PRSS33: variants seen among roughly 807,000 people sequenced by gnomAD.
PRSS33 encodes serine protease 33.
Under a neutral mutation model 26.7 loss-of-function variants are expected in PRSS33, and 32 were observed. The ratio of observed to expected loss-of-function variants is 1.20; its 90% confidence interval spans 0.90 to 1.61. PRSS33 has a LOEUF of 1.61. PRSS33 is among the 40% of genes most tolerant of loss of function. The pLI is 0.00. For synonymous variants in PRSS33, 192 were observed against 177.6 expected, an observed-to-expected ratio of 1.08 and a Z score of -0.64; for missense variants, 450 against 396.3, an observed-to-expected ratio of 1.14 and a Z score of -1.15.
chr16:2,785,606 G>A lies in PRSS33; in HGVS notation c.283C>T (p.Leu95=). The part of the protein sequence containing the change: ...PAEYRVRLGA[L]RLGSTSPRTL... The stretch of plus-strand genomic sequence containing the variant: ...CGGGGCGAGGTGGAGCCCAGACGCA[G>A]CGCCCCCAGGCGCACGCGGTACTCA... The change falls in exon 5 of 7, where the codon CTG becomes TTG. Residue 95 remains leucine, a synonymous_variant. Transcript: ENST00000682474. 4.6e-6 allele frequency: 7 copies of A among 1,508,942 alleles called. No individual in the cohort carries two copies. The highest frequency in any genetic ancestry group is 6.2e-6 in the Non-Finnish European group (7 of 1,136,586). 93.5% of individuals were successfully genotyped at this position (1,508,942 alleles called of 1,614,324 possible).
chr16:2,786,024 G>A, intron 3 of PRSS33, 63 bp from the exon 4 acceptor site: 1 of 1,611,500 alleles, frequency 6.2e-7, no homozygotes, highest in Non-Finnish European at 8.5e-7. Context: ...GGCAGGTGTT[G>A]GTGGGGAGAC....
In PRSS33 at chr16:2,786,514, G is replaced by T; in HGVS notation, c.34C>A (p.Leu12Ile). 6.2e-7 allele frequency: 1 copy of T among 1,613,380 alleles called. No individual in the cohort carries two copies. Among genetic ancestry groups the T allele is most frequent in the Non-Finnish European group, 8.5e-7 (1 of 1,179,702 alleles). Residue 12 changes from leucine to isoleucine, a missense_variant, in exon 2 of 7, where the codon CTT becomes ATT. Leu to Ile is a conservative substitution (Grantham distance 5). Coordinates refer to ENST00000682474, the MANE Select transcript of PRSS33 (RefSeq NM_152891.3). The part of the protein sequence containing the change: ...RGVSCLQVLL[L>I]LVLGAAGTQG... ...TGTCCCCACTCACCCAGCACCAGAA[G>T]GAGCAGGACCTGGAGACAGGAAACC...
chr16:2,784,443 A>T lies in PRSS33; in HGVS notation c.*201T>A. On this transcript the variant is annotated 3_prime_UTR_variant, in exon 7 of 7. Coordinates refer to ENST00000682474, the MANE Select transcript of PRSS33 (RefSeq NM_152891.3). ...GGGACTCATGGCAGATTCCTGGATGAGGGTTGGTGGAGTCAGAGCTGGTGA... is the reference window on the plus strand; with the variant it reads ...GGGACTCATGGCAGATTCCTGGATGTGGGTTGGTGGAGTCAGAGCTGGTGA... The T allele has an allele frequency of 2.1e-6, 1 of 483,812 alleles. No individual in the cohort carries two copies. Among genetic ancestry groups the T allele is most frequent in the Middle Eastern group, 5.6e-4 (1 of 1,800 alleles). 30.0% of individuals were successfully genotyped at this position (483,812 alleles called of 1,614,324 possible).
At position 2,785,852 on chromosome 16, in the gene PRSS33, C is replaced by A. The variant is rs762235212; in HGVS notation, c.189G>T (p.Gly63=). 4 of 1,608,330 alleles carry A rather than the reference C, an allele frequency of 2.5e-6. No homozygotes were observed. Among genetic ancestry groups the A allele is most frequent in the Non-Finnish European group, 3.4e-6 (4 of 1,178,824 alleles). ...SIQHRGAHVC[G]GSLIAPQWVL... is the part of the protein sequence containing the mutation. Reference sequence around the variant, plus strand: ...CCCACTGGGGGGCGATGAGCGACCCCCCGCACACGTGTGCCCCACGATGCT... The same window carrying A: ...CCCACTGGGGGGCGATGAGCGACCCACCGCACACGTGTGCCCCACGATGCT... The change falls in exon 4 of 7, where the codon GGG becomes GGT. Residue 63 remains glycine (G), a synonymous_variant. Transcript: ENST00000682474.
At chr16:2,786,714 G>A (rs1198735816) in intron 1 of PRSS33, 110 bp from the exon 2 acceptor site, 1 of 716,614 alleles carries the variant, frequency 1.4e-6, no homozygotes, top group Non-Finnish European at 2.3e-6. Context: ...CTCCTGGTGG[G>A]TTCTGGACTT....
chr16:2,786,043 G>A lies in PRSS33; in HGVS notation c.79+46C>T, dbSNP rs774792691. Reference sequence around the variant, plus strand: ...GGTGTTGGTGGGGAGACACGGGGCCGAGGTCCAGGAGGGGCTGACTCGGGT... The same window carrying A: ...GGTGTTGGTGGGGAGACACGGGGCCAAGGTCCAGGAGGGGCTGACTCGGGT... On this transcript the variant is annotated intron_variant, in intron 3 of 6. Coordinates refer to ENST00000682474, the MANE Select transcript of PRSS33 (RefSeq NM_152891.3). 30 of 1,611,896 alleles carry A rather than the reference G, an allele frequency of 1.9e-5. 1 individual carries two copies. In the East Asian group the frequency reaches 6.5e-4, roughly 35 times the overall value.
chr16:2,786,179 TGGAGG>T, intron 2 of PRSS33, 58 bp from the exon 3 acceptor site: 1 of 1,462,558 alleles, frequency 6.8e-7, no homozygotes, highest in South Asian at 1.1e-5. Context: ...ATAACGGAGT[TGGAGG>T]GGAGGCCAGA....
chr16:2,787,676 G>C (rs2068893820), upstream of PRSS33, among the ~76,000 whole-genome samples: 3 of 151,680 alleles, frequency 2.0e-5, no homozygotes, highest in South Asian at 6.3e-4. Flanking sequence ...CTCAAACAAA[G>C]ATGCTTTGAG....
At chr16:2,785,336 G>T in intron 5 of PRSS33, 39 bp downstream of exon 5, 1 of 1,456,510 alleles carries the variant, frequency 6.9e-7, no homozygotes, top group Non-Finnish European at 9.0e-7. Flanking sequence ...AGGACGTGGG[G>T]GCTCCCGGAT....
intron 1 of PRSS33, 99 bp from the exon 2 acceptor site, chr16:2,786,703 G>C: frequency 2.5e-6 from 2 of 785,398 alleles, no homozygotes; most frequent in South Asian, 1.7e-5. Context: ...TCTGTCCTCA[G>C]CTCCTGGTGG....
rs759599528 is a variant in PRSS33, at chr16:2,786,472, C to T, written c.46+30G>A. On this transcript the variant is annotated intron_variant, in intron 2 of 6. Coordinates refer to ENST00000682474, the MANE Select transcript of PRSS33 (RefSeq NM_152891.3). ...GAACTGGGAGCCAAGGTGTCTGCGG[C>T]CCTCACCCCCAGTCCCTGTCCCCAC... is the stretch of plus-strand genomic sequence containing the variant. 6 of 1,612,604 alleles carry T rather than the reference C, an allele frequency of 3.7e-6. No homozygotes were observed. The East Asian group carries it at 1.3e-4, about 36-fold the overall frequency.
rs2068855412 is a variant in PRSS33, at chr16:2,785,003, T to A, written c.683A>T (p.Gln228Leu). 6.3e-7 allele frequency: 1 copy of A among 1,597,122 alleles called. No homozygotes were observed. The highest frequency in any genetic ancestry group is 8.5e-7 in the Non-Finnish European group (1 of 1,174,300). The stretch of plus-strand genomic sequence containing the variant: ...AGGCTGGGGAGGCTGGGTGCACACC[T>A]GGCAGGCGTCCTTGTGGCCCTGGGG... ...GYPQGHKDACQGDSGGPLTCL... is the reference protein window; with the variant it reads ...GYPQGHKDACLGDSGGPLTCL... The change falls in exon 6 of 7, where the codon CAG becomes CTG. Residue 228 changes from glutamine to leucine, a missense_variant and splice_region_variant. Gln to Leu is a moderately radical substitution (Grantham distance 113). Coordinates refer to ENST00000682474, the MANE Select transcript of PRSS33 (RefSeq NM_152891.3).
At chr16:2,784,961 C>G in intron 6 of PRSS33, 41 bp downstream of exon 6, 1 of 1,584,920 alleles carries the variant, frequency 6.3e-7, no homozygotes, top group Non-Finnish European at 8.6e-7. Flanking sequence ...GTGCTGGGCA[C>G]AGGGAGGGGA....
rs7195287 is a variant in PRSS33, at chr16:2,786,026, T to A, written c.79+63A>T. On this transcript the variant is annotated intron_variant, in intron 3 of 6. Transcript: ENST00000682474. Reference sequence around the variant, plus strand: ...CTGGGGCCTGGGAGGCAGGTGTTGGTGGGGAGACACGGGGCCGAGGTCCAG... The same window carrying A: ...CTGGGGCCTGGGAGGCAGGTGTTGGAGGGGAGACACGGGGCCGAGGTCCAG... The A allele has an allele frequency of 3.1e-6, 5 of 1,612,074 alleles. No homozygotes were observed. The Admixed American group carries it at 5.0e-5, about 16-fold the overall frequency.
In PRSS33 at chr16:2,784,727, C is replaced by G. The variant is rs764744212; in HGVS notation, c.760G>C (p.Gly254Arg). The change falls in exon 7 of 7, where the codon GGT becomes CGT. Residue 254 changes from glycine (G) to arginine (R), a missense_variant. By Grantham distance (125) the Gly-to-Arg change is moderately radical (BLOSUM62 -2). Coordinates refer to ENST00000682474, the MANE Select transcript of PRSS33 (RefSeq NM_152891.3). ...VLVGVVSWGK[G>R]CALPNRPGVY... ...CCTGGACGGTTGGGCAGGGCACAAC[C>G]CTTGCCCCAGCTCACCACGCCCACC... The G allele has an allele frequency of 1.2e-6, 2 of 1,607,328 alleles. No homozygotes were observed. Among genetic ancestry groups the G allele is most frequent in the East Asian group, 4.5e-5 (2 of 44,630 alleles).
At position 2,785,050 on chromosome 16, in the gene PRSS33, A is replaced by G. The variant is rs1239498383; in HGVS notation, c.636T>C (p.Pro212=). 2.5e-6 allele frequency: 4 copies of G among 1,585,524 alleles called. No homozygotes were observed. Among genetic ancestry groups the G allele is most frequent in the Admixed American group, 1.8e-5 (1 of 56,148 alleles). Residue 212 remains proline, a synonymous_variant, in exon 6 of 7, where the codon CCT becomes CCC. Coordinates refer to ENST00000682474, the MANE Select transcript of PRSS33 (RefSeq NM_152891.3). ...GGGGGTAGCCGGCACACAGACTCCCAGGCAGCACAATGCGCTCAGCCTGGG... is the reference window on the plus strand; with the variant it reads ...GGGGGTAGCCGGCACACAGACTCCCGGGCAGCACAATGCGCTCAGCCTGGG... ...DVPQAERIVL[P]GSLCAGYPQG...
chr16:2,785,295 T>G, intron 5 of PRSS33, 80 bp downstream of exon 5: 1 of 1,450,270 alleles, frequency 6.9e-7, no homozygotes, highest in Non-Finnish European at 9.1e-7. Flanking sequence ...ATTGGGGCAG[T>G]GAGGGGCTGG....
intron 2 of PRSS33, 108 bp from the exon 3 acceptor site, chr16:2,786,229 C>T (rs1489047591): frequency 6.5e-6 from 7 of 1,081,808 alleles, no homozygotes; most frequent in African/African-American, 4.6e-5. Context: ...GTTGCCCTGA[C>T]ATTGCGCCAG....
chr16:2,785,149 C>G lies in PRSS33; in HGVS notation c.537G>C (p.Pro179=), dbSNP rs1287491036. ...GCAGCGGCACCCTTACTCCTTGTAG[C>G]GGTCGCCACTCTGGGAGGGGCACTG... is the stretch of plus-strand genomic sequence containing the variant. ...RPGVPLPEWR[P]LQGVRVPLLD... is the part of the protein sequence containing the mutation. The change falls in exon 6 of 7, where the codon CCG becomes CCC. Residue 179 remains proline (P), a synonymous_variant. Coordinates refer to ENST00000682474, the MANE Select transcript of PRSS33 (RefSeq NM_152891.3). 1.9e-6 allele frequency: 3 copies of G among 1,541,208 alleles called. No individual in the cohort carries two copies. Among genetic ancestry groups the G allele is most frequent in the Non-Finnish European group, 2.6e-6 (3 of 1,146,638 alleles).
Sources: gnomAD v4.1 joint callset for allele counts (sites outside exome capture counted in the v4.1 genomes callset) on GRCh38, gnomAD v4.1.1 for gene constraint, MANE v1.5 for transcripts, NCBI Gene and HGNC (gene_info 2026-07-23, HGNC 2026-07-21) for gene names.